The following WASF2 variants were observed in gnomAD, a reference collection of about 807,000 sequenced individuals.
WASF2 encodes actin-binding protein WASF2.
In WASF2, 14 loss-of-function variants were observed where a neutral mutation model predicts 45.0. The ratio of observed to expected loss-of-function variants is 0.31; its 90% CI spans 0.21 to 0.49. The LOEUF is 0.49. Ranked by LOEUF, WASF2 falls within the 20% of genes least tolerant of loss-of-function variation. The probability of loss-of-function intolerance (pLI) is 0.99; values close to 1 mark genes in which losing one functional copy is unlikely to be tolerated. For synonymous variants in WASF2, 200 were observed against 236.3 expected (o/e 0.85, Z 1.41); for missense variants, 439 against 636.1 (o/e 0.69, Z 3.33).
intron 1 of WASF2, among the ~76,000 whole-genome samples, chr1:27,454,120 T>G (rs534924111): frequency 1.8e-5 from 2 of 112,928 alleles, no homozygotes; most frequent in South Asian, 7.8e-4. Context: ...TGTATATATA[T>G]GTGTGTATAT....
At chr1:27,465,306 C>T (rs562215176) in intron 1 of WASF2, among the ~76,000 whole-genome samples, 2 of 152,286 alleles carry the variant, frequency 1.3e-5, no homozygotes, top group South Asian at 4.1e-4. Flanking sequence ...GTTTAATGAG[C>T]TGTTTTTAAG....
intron 2 of WASF2, among the ~76,000 whole-genome samples, chr1:27,425,097 T>G (rs997991791): frequency 6.6e-6 from 1 of 152,298 alleles, no homozygotes; most frequent in Non-Finnish European, 1.5e-5. Flanking sequence ...CTTTTTCATT[T>G]TATTTATTTA....
At chr1:27,460,350 G>T (rs1447685137) in intron 1 of WASF2, among the ~76,000 whole-genome samples, 1 of 152,044 alleles carries the variant, frequency 6.6e-6, no homozygotes, top group Non-Finnish European at 1.5e-5. Context: ...TAGCAAAATC[G>T]AGAGAATATG....
At chr1:27,471,531 G>A (rs2017688851) in intron 1 of WASF2, among the ~76,000 whole-genome samples, 1 of 152,006 alleles carries the variant, frequency 6.6e-6, no homozygotes, top group Non-Finnish European at 1.5e-5. Flanking sequence ...GAGAGGCTGA[G>A]GTGGGAGGCT....
In WASF2 at chr1:27,408,036, C is replaced by A; in HGVS notation, c.*153G>T. The A allele has an allele frequency of 1.1e-6, 1 of 873,824 alleles. No individual in the cohort carries two copies. The highest frequency in any genetic ancestry group is 1.7e-6 in the Non-Finnish European group (1 of 589,874). 54.1% of individuals were successfully genotyped at this position (873,824 alleles called of 1,614,324 possible). A position where few individuals can be genotyped will look rare whatever the true frequency, so the allele number is the denominator to read the frequency against. ...AATACATGTTGACTTGGAGGAAGCA[C>A]TTGGATATATCTTTGGTTGCTTCAG... On this transcript the variant is annotated 3_prime_UTR_variant, in exon 9 of 9. Coordinates refer to ENST00000618852, the MANE Select transcript of WASF2 (RefSeq NM_006990.5).
At chr1:27,429,551 G>A (rs2017032848) in intron 1 of WASF2, among the ~76,000 whole-genome samples, 1 of 152,102 alleles carries the variant, frequency 6.6e-6, no homozygotes, top group Non-Finnish European at 1.5e-5. Flanking sequence ...TGAGGCAGGT[G>A]GATCACCTAA....
chr1:27,408,412 G>A, intron 8 of WASF2, 66 bp from the exon 9 acceptor site: 1 of 1,591,046 alleles, frequency 6.3e-7, no homozygotes, highest in Non-Finnish European at 8.6e-7. Flanking sequence ...TCTGGAACTG[G>A]GTAAGAGGGA....
At chr1:27,456,988 C>CGTCT (rs1396642151) in intron 1 of WASF2, among the ~76,000 whole-genome samples, 3 of 151,854 alleles carry the variant, frequency 2.0e-5, no homozygotes, top group Non-Finnish European at 4.4e-5. Flanking sequence ...GTGATCTGCC[C>CGTCT]GTCTCGGCCC....
intron 1 of WASF2, among the ~76,000 whole-genome samples, chr1:27,444,158 C>G (rs998633822): frequency 5.3e-5 from 8 of 152,156 alleles, no homozygotes; most frequent in African/African-American, 1.9e-4. Flanking sequence ...GTGACTCATG[C>G]AGCTTCAGTC....
intron 1 of WASF2, among the ~76,000 whole-genome samples, chr1:27,442,716 C>G (rs1167750313): frequency 6.6e-6 from 1 of 151,064 alleles, no homozygotes; most frequent in Non-Finnish European, 1.5e-5. Flanking sequence ...AAAAACTAGC[C>G]AAAGGGCCGG....
chr1:27,475,937 A>G (rs913385052), intron 1 of WASF2, among the ~76,000 whole-genome samples: 1 of 152,162 alleles, frequency 6.6e-6, no homozygotes, highest in Non-Finnish European at 1.5e-5. Context: ...CACTACACCC[A>G]GCCTTATTTA....
intron 1 of WASF2, among the ~76,000 whole-genome samples, chr1:27,444,225 G>A (rs144575739): frequency 3.5e-4 from 54 of 152,190 alleles, no homozygotes; most frequent in East Asian, 1.9e-4. Flanking sequence ...GGCTAGAAGC[G>A]TGCAGCACCA....
At chr1:27,488,866 C>A (rs1472173638) in intron 1 of WASF2, among the ~76,000 whole-genome samples, 1 of 152,138 alleles carries the variant, frequency 6.6e-6, no homozygotes, top group African/African-American at 2.4e-5. Flanking sequence ...ACTGTGCGAC[C>A]TTGGGCAAAT....
At chr1:27,474,824 C>A (rs189040952) in intron 1 of WASF2, among the ~76,000 whole-genome samples, 1 of 151,872 alleles carries the variant, frequency 6.6e-6, no homozygotes, top group Non-Finnish European at 1.5e-5. Context: ...TGGTGACCTG[C>A]ATCTGTAGTC....
At chr1:27,420,876 T>A (rs1176726844) in intron 2 of WASF2, among the ~76,000 whole-genome samples, 2 of 152,118 alleles carry the variant, frequency 1.3e-5, no homozygotes, top group African/African-American at 2.4e-5. Context: ...CTGTGCCCAA[T>A]CAAATGATAA....
chr1:27,445,562 A>G (rs2017299498), intron 1 of WASF2, among the ~76,000 whole-genome samples: 1 of 152,210 alleles, frequency 6.6e-6, no homozygotes, highest in African/African-American at 2.4e-5. Flanking sequence ...AATGGTGTTA[A>G]TGAGTATAAC....
At chr1:27,461,289 A>G (rs2017540354) in intron 1 of WASF2, among the ~76,000 whole-genome samples, 1 of 152,096 alleles carries the variant, frequency 6.6e-6, no homozygotes, top group Admixed American at 6.6e-5. Flanking sequence ...ATTTTGCCAC[A>G]TTTACTTTAC....
At chr1:27,476,164 C>T (rs954498401) in intron 1 of WASF2, among the ~76,000 whole-genome samples, 2 of 152,152 alleles carry the variant, frequency 1.3e-5, no homozygotes, top group Admixed American at 6.5e-5. Context: ...GTTTACGAGG[C>T]CTTAGGTAAC....
At chr1:27,463,085 G>C (rs186843239) in intron 1 of WASF2, among the ~76,000 whole-genome samples, 8 of 152,254 alleles carry the variant, frequency 5.3e-5, no homozygotes, top group Non-Finnish European at 7.4e-5. Flanking sequence ...CTCCCAAATT[G>C]CTGGAAGTAC....
Sources: allele counts gnomAD v4.1 joint callset (sites outside exome capture counted in the v4.1 genomes callset), GRCh38; gene constraint gnomAD v4.1.1; transcripts MANE v1.5; gene names NCBI Gene and HGNC (gene_info 2026-07-23, HGNC 2026-07-21).